The following HHLA1 variants were observed in gnomAD, a reference collection of about 807,000 sequenced individuals.
HHLA1 encodes HERV-H LTR-associating protein 1.
HHLA1 carries 72 observed loss-of-function variants against 69.9 expected under a neutral mutation model. The ratio of observed to expected loss-of-function variants is 1.03; its 90% confidence interval spans 0.85 to 1.25. The LOEUF is 1.25. HHLA1 is among the 50% of genes most tolerant of loss of function. The probability of loss-of-function intolerance (pLI) is 0.00; values close to 1 mark genes in which losing one functional copy is unlikely to be tolerated. For missense variants in HHLA1, 685 were observed against 642.2 expected (o/e 1.07, Z -0.72); for synonymous variants, 252 against 233.2 (o/e 1.08, Z -0.73).
At chr8:132,079,615 G>T in intron 11 of HHLA1, 103 bp downstream of exon 11, 3 of 1,259,266 alleles carry the variant, frequency 2.4e-6, no homozygotes, top group Middle Eastern at 2.2e-4. Flanking sequence ...ACTTCAGTTG[G>T]TGGAGAAGGG....
intron 16 of HHLA1, 125 bp from the exon 17 acceptor site, chr8:132,064,163 T>C: frequency 2.5e-6 from 1 of 402,264 alleles, no homozygotes; most frequent in Non-Finnish European, 4.4e-6. Context: ...TGTGGGGCAG[T>C]GCACTGGACA....
intron 7 of HHLA1, among the ~76,000 whole-genome samples, chr8:132,093,107 C>T (rs1037200912): frequency 6.6e-6 from 1 of 152,128 alleles, no homozygotes; most frequent in Non-Finnish European, 1.5e-5. Context: ...GATGTCTACA[C>T]TGATGGGTAG....
At chr8:132,109,131 C>T (rs1208029740) in intron 1 of HHLA1, among the ~76,000 whole-genome samples, 1 of 152,168 alleles carries the variant, frequency 6.6e-6, no homozygotes, top group Non-Finnish European at 1.5e-5. Flanking sequence ...CTCAGCCTCC[C>T]GAGTAGCTGG....
intron 4 of HHLA1, 97 bp from the exon 5 acceptor site, chr8:132,099,059 G>T: frequency 2.1e-6 from 2 of 961,118 alleles, no homozygotes; most frequent in Non-Finnish European, 1.6e-6. Flanking sequence ...CAACTTCTTT[G>T]CACATGTGCT....
intron 8 of HHLA1, among the ~76,000 whole-genome samples, chr8:132,088,972 C>T (rs1296176479): frequency 6.6e-6 from 1 of 152,208 alleles, no homozygotes; most frequent in East Asian, 1.9e-4. Flanking sequence ...CTCCACAGTG[C>T]ATCACACCGT....
chr8:132,098,165 G>A (rs1210112064), intron 5 of HHLA1, among the ~76,000 whole-genome samples: 5 of 152,180 alleles, frequency 3.3e-5, no homozygotes, highest in Non-Finnish European at 5.9e-5. Flanking sequence ...AATAGTGAAG[G>A]CAGTGAGGAA....
At chr8:132,085,557 C>T (rs558185993) in intron 10 of HHLA1, 59 of 274,122 alleles carry the variant, frequency 2.2e-4, no homozygotes, top group African/African-American at 4.0e-4. Flanking sequence ...AAATTTCATG[C>T]GCGTCCGTGT....
intron 15 of HHLA1, chr8:132,069,567 TTC>T (rs1823495964): frequency 6.6e-6 from 1 of 152,224 alleles, no homozygotes; most frequent in Non-Finnish European, 1.5e-5. Flanking sequence ...AAACTCAAAC[TTC>T]TCTCTGAAAA....
intron 7 of HHLA1, among the ~76,000 whole-genome samples, chr8:132,091,488 C>T (rs1823944726): frequency 6.6e-6 from 1 of 152,188 alleles, no homozygotes; most frequent in Non-Finnish European, 1.5e-5. Flanking sequence ...ACTCATGAAA[C>T]CTCTTGCTCA....
chr8:132,105,400 G>T, intron 1 of HHLA1, 114 bp from the exon 2 acceptor site: 1 of 676,488 alleles, frequency 1.5e-6, no homozygotes, highest in Non-Finnish European at 2.6e-6. Context: ...CTTTGTACTA[G>T]GTTAGGAGAG....
At chr8:132,075,275 C>G (rs147490064) in intron 14 of HHLA1, among the ~76,000 whole-genome samples, 2 of 152,204 alleles carry the variant, frequency 1.3e-5, no homozygotes, top group East Asian at 3.9e-4. Context: ...ACTGGATGGT[C>G]CAGGAGCTGG....
intron 1 of HHLA1, among the ~76,000 whole-genome samples, chr8:132,107,001 G>C (rs563689921): frequency 6.6e-6 from 1 of 152,244 alleles, no homozygotes; most frequent in South Asian, 2.1e-4. Context: ...GATTAAATGA[G>C]AATGAAATAT....
intron 2 of HHLA1, 78 bp from the exon 3 acceptor site, chr8:132,104,245 T>A: frequency 1.0e-6 from 1 of 970,578 alleles, no homozygotes; most frequent in Non-Finnish European, 1.6e-6. Context: ...ACATACCCAT[T>A]TTACAGATGA....
intron 1 of HHLA1, among the ~76,000 whole-genome samples, chr8:132,108,004 T>C (rs567769251): frequency 4.3e-4 from 66 of 152,330 alleles, no homozygotes; most frequent in Admixed American, 8.5e-4. Context: ...ACTTGAATCT[T>C]GAGTTGGCCA....
chr8:132,091,363 G>A (rs1253981207), intron 7 of HHLA1, among the ~76,000 whole-genome samples: 4 of 152,132 alleles, frequency 2.6e-5, no homozygotes, highest in African/African-American at 9.7e-5. Flanking sequence ...TTTTGCCCAA[G>A]GCTCAGAAAG....
intron 11 of HHLA1, 121 bp downstream of exon 11, chr8:132,079,597 G>T: frequency 1.8e-6 from 2 of 1,107,398 alleles, no homozygotes; most frequent in Non-Finnish European, 2.5e-6. Flanking sequence ...TAAGTAAGCT[G>T]AAGCGTAACT....
At chr8:132,097,031 C>A (rs1353471435) in intron 5 of HHLA1, among the ~76,000 whole-genome samples, 5 of 152,250 alleles carry the variant, frequency 3.3e-5, no homozygotes, top group Admixed American at 6.5e-5. Context: ...GATGGAATGG[C>A]AGAATCATTA....
chr8:132,065,398 C>A (rs1298756368), intron 16 of HHLA1, among the ~76,000 whole-genome samples: 3 of 152,196 alleles, frequency 2.0e-5, no homozygotes, highest in African/African-American at 7.2e-5. Flanking sequence ...TCTCCTGCCT[C>A]AGCCTCCCGA....
chr8:132,108,840 T>G (rs527295838), intron 1 of HHLA1, among the ~76,000 whole-genome samples: 1 of 152,136 alleles, frequency 6.6e-6, no homozygotes, highest in Non-Finnish European at 1.5e-5. Flanking sequence ...AAAATAAACC[T>G]TAGCATCCAT....
Sources: gnomAD v4.1 joint callset for allele counts (sites outside exome capture counted in the v4.1 genomes callset) on GRCh38, gnomAD v4.1.1 for gene constraint, MANE v1.5 for transcripts, NCBI Gene and HGNC (gene_info 2026-07-23, HGNC 2026-07-21) for gene names.